Variants in RALY observed in about 807,000 individuals in gnomAD.
RALY encodes the protein RNA-binding protein Raly.
RALY carries 15 observed loss-of-function variants against 30.7 expected under a neutral mutation model. The ratio of observed to expected loss-of-function variants is 0.49; its 90% CI spans 0.33 to 0.75. The LOEUF is 0.75. Among genes scored for constraint, RALY ranks in the 30% least tolerant of loss-of-function variants. The pLI is 0.02. For missense variants in RALY, 339 were observed against 414.3 expected, an observed-to-expected ratio of 0.82 and a Z score of 1.58; for synonymous variants, 177 against 170.8, an observed-to-expected ratio of 1.04 and a Z score of -0.28.
intron 2 of RALY, among the ~76,000 whole-genome samples, chr20:34,055,714 A>G (rs897110259): frequency 6.6e-6 from 1 of 152,250 alleles, no homozygotes; most frequent in Admixed American, 6.5e-5. Context: ...TACCACAACT[A>G]GCAGGGCAAG....
intron 2 of RALY, among the ~76,000 whole-genome samples, chr20:34,034,867 T>A (rs2032419507): frequency 6.6e-6 from 1 of 151,986 alleles, no homozygotes; most frequent in South Asian, 2.1e-4. Flanking sequence ...AAAACAACAG[T>A]CTGGGCCGGG....
At chr20:34,067,137 G>T (rs1019892325) in intron 2 of RALY, among the ~76,000 whole-genome samples, 1 of 152,164 alleles carries the variant, frequency 6.6e-6, no homozygotes, top group Non-Finnish European at 1.5e-5. Flanking sequence ...TCACAGGGCT[G>T]TTGTGAGGGT....
intron 9 of RALY, 43 bp downstream of exon 9, chr20:34,078,596 TGAAGTG>T: frequency 6.7e-7 from 1 of 1,489,110 alleles, no homozygotes; most frequent in Non-Finnish European, 9.0e-7. Flanking sequence ...GGGGAATCAG[TGAAGTG>T]GAGGTTGTGC....
intron 2 of RALY, among the ~76,000 whole-genome samples, chr20:34,051,758 G>A (rs900140374): frequency 1.3e-5 from 2 of 152,146 alleles, no homozygotes; most frequent in Non-Finnish European, 2.9e-5. Context: ...ACCACACCTG[G>A]CTAATTTTTT....
At chr20:34,040,063 A>AT (rs1490005774) in intron 2 of RALY, among the ~76,000 whole-genome samples, 1 of 152,038 alleles carries the variant, frequency 6.6e-6, no homozygotes, top group Non-Finnish European at 1.5e-5. Flanking sequence ...GTGAGCAGAG[A>AT]TCCCACCACT....
At chr20:34,004,948 G>A (rs1474162712) in intron 1 of RALY, among the ~76,000 whole-genome samples, 1 of 152,190 alleles carries the variant, frequency 6.6e-6, no homozygotes, top group East Asian at 1.9e-4. Context: ...AGGTTGGCAT[G>A]AACATTGATC....
chr20:34,015,963 C>A (rs1035319732), intron 1 of RALY, among the ~76,000 whole-genome samples: 1 of 152,128 alleles, frequency 6.6e-6, no homozygotes, highest in Admixed American at 6.5e-5. Flanking sequence ...CACACATTTA[C>A]CCTCTTACAC....
At chr20:34,013,064 T>G (rs1211257763) in intron 1 of RALY, among the ~76,000 whole-genome samples, 2 of 152,204 alleles carry the variant, frequency 1.3e-5, no homozygotes, top group African/African-American at 4.8e-5. Context: ...TATTCAACAC[T>G]GTATTATAAA....
intron 2 of RALY, among the ~76,000 whole-genome samples, chr20:34,051,662 C>G (rs545554794): frequency 2.0e-4 from 30 of 152,236 alleles, no homozygotes; most frequent in African/African-American, 6.7e-4. Context: ...GTGGCGTGAT[C>G]TCCGCTCACT....
chr20:34,028,421 T>C (rs2032127490), intron 1 of RALY, among the ~76,000 whole-genome samples: 1 of 151,770 alleles, frequency 6.6e-6, no homozygotes, highest in South Asian at 2.1e-4. Flanking sequence ...CAGAAATGAA[T>C]ATACCCACAA....
chr20:34,070,134 AAAG>A lies in RALY; in HGVS notation c.-9-1928_-9-1926del, dbSNP rs1423887560. On this transcript the variant is annotated intron_variant, in intron 2 of 9. Coordinates refer to ENST00000246194, the MANE Select transcript of RALY (RefSeq NM_016732.3). ...AGATGTATCTTTTCCAGTTCACTGA[AAAG>A]AAGTCCCCCCAAAATATTAGGTAAA... Among the ~76,000 whole-genome samples, 3 of 152,326 alleles carry A rather than the reference AAAG, an allele frequency of 2.0e-5. 1 individual carries two copies. The highest frequency in any genetic ancestry group is 7.2e-5 in the African/African-American group (3 of 41,562).
At chr20:34,073,664 G>A (rs2033794973) in intron 4 of RALY, 29 bp downstream of exon 4, 2 of 1,556,462 alleles carry the variant, frequency 1.3e-6, no homozygotes, top group African/African-American at 1.4e-5. Context: ...CTGTCTGTCT[G>A]GTGGGATGAC....
chr20:34,000,437 C>T (rs1054251781), intron 1 of RALY, among the ~76,000 whole-genome samples: 5 of 152,154 alleles, frequency 3.3e-5, no homozygotes, highest in Non-Finnish European at 7.3e-5. Context: ...TCTCTTCGAA[C>T]GAATAAGTAG....
intron 2 of RALY, among the ~76,000 whole-genome samples, chr20:34,052,188 G>A (rs1023457864): frequency 2.6e-5 from 4 of 152,284 alleles, no homozygotes; most frequent in Middle Eastern, 3.4e-3. Flanking sequence ...TTTCTTTACC[G>A]CTGCCTTTGC....
chr20:34,016,812 T>C (rs1236867145), intron 1 of RALY, among the ~76,000 whole-genome samples: 1 of 152,288 alleles, frequency 6.6e-6, no homozygotes, highest in Non-Finnish European at 1.5e-5. Flanking sequence ...CGGGGCATTT[T>C]AGGGCATTTG....
At chr20:34,022,120 A>G (rs150399202) in intron 1 of RALY, among the ~76,000 whole-genome samples, 32 of 144,690 alleles carry the variant, frequency 2.2e-4, no homozygotes, top group East Asian at 2.0e-3. Flanking sequence ...AATAAAGACA[A>G]TGTCTCACTT....
chr20:34,070,102 G>A (rs963805066), intron 2 of RALY, among the ~76,000 whole-genome samples: 1 of 152,186 alleles, frequency 6.6e-6, no homozygotes, highest in Non-Finnish European at 1.5e-5. Flanking sequence ...AGTGGGATAA[G>A]AGATACAGAT....
chr20:34,055,748 G>T (rs1045527466), intron 2 of RALY, among the ~76,000 whole-genome samples: 3 of 152,180 alleles, frequency 2.0e-5, no homozygotes, highest in African/African-American at 7.2e-5. Flanking sequence ...TATATTGATT[G>T]TTAAAATAAT....
At chr20:34,009,295 G>T (rs1403356028) in intron 1 of RALY, among the ~76,000 whole-genome samples, 1 of 152,004 alleles carries the variant, frequency 6.6e-6, no homozygotes, top group Non-Finnish European at 1.5e-5. Flanking sequence ...GCTGGAGTCA[G>T]TGGCATGATC....
Sources: gnomAD v4.1 joint callset for allele counts (sites outside exome capture counted in the v4.1 genomes callset) on GRCh38, gnomAD v4.1.1 for gene constraint, MANE v1.5 for transcripts, NCBI Gene and HGNC (gene_info 2026-07-23, HGNC 2026-07-21) for gene names.